Variants in ZDHHC20 observed in about 807,000 individuals in gnomAD.
The protein encoded by ZDHHC20 is palmitoyltransferase ZDHHC20.
In ZDHHC20, 43 loss-of-function variants were observed where a neutral mutation model predicts 57.8. The ratio of observed to expected loss-of-function variants is 0.74; its 90% CI spans 0.58 to 0.96. The LOEUF (loss-of-function observed/expected upper bound fraction) is 0.96. ZDHHC20 is among the 40% of genes least tolerant of loss of function. The probability of loss-of-function intolerance (pLI) is 0.00; values close to 1 mark genes in which losing one functional copy is unlikely to be tolerated. For synonymous variants in ZDHHC20, 157 were observed against 153.0 expected (o/e 1.03, Z -0.19); for missense variants, 391 against 441.1 (o/e 0.89, Z 1.02).
intron 1 of ZDHHC20, among the ~76,000 whole-genome samples, chr13:21,448,454 G>A (rs1215429670): frequency 0.026 from 2,717 of 103,724 alleles, 374 homozygotes; most frequent in Non-Finnish European, 0.043. Context: ...CGCCCCGTCC[G>A]GGAAGGAGGT....
intron 1 of ZDHHC20, among the ~76,000 whole-genome samples, chr13:21,437,880 AT>A (rs1882717817): frequency 6.6e-6 from 1 of 152,046 alleles, no homozygotes; most frequent in Admixed American, 6.6e-5. Context: ...TTTAGTAGAG[AT>A]GGGGTTTCAC....
intron 1 of ZDHHC20, among the ~76,000 whole-genome samples, chr13:21,436,805 G>A (rs1263491815): frequency 6.6e-6 from 1 of 152,172 alleles, no homozygotes; most frequent in African/African-American, 2.4e-5. Flanking sequence ...AGCTTAGTGA[G>A]AAAGACATGT....
intron 1 of ZDHHC20, among the ~76,000 whole-genome samples, chr13:21,437,113 A>C (rs554003377): frequency 9.8e-5 from 15 of 152,356 alleles, no homozygotes; most frequent in African/African-American, 2.6e-4. Flanking sequence ...CTTAAGCCAA[A>C]GCCTAACTCA....
chr13:21,414,348 C>T (rs1879639544), intron 3 of ZDHHC20, among the ~76,000 whole-genome samples: 1 of 150,258 alleles, frequency 6.7e-6, no homozygotes, highest in South Asian at 2.1e-4. Flanking sequence ...GGACAGAGTC[C>T]TTTATAGACC....
intron 7 of ZDHHC20, among the ~76,000 whole-genome samples, chr13:21,394,758 A>G (rs1048728614): frequency 8.5e-5 from 13 of 152,328 alleles, no homozygotes; most frequent in African/African-American, 3.1e-4. Flanking sequence ...TATGGTTAGT[A>G]TGTTGTGAAC....
chr13:21,443,512 C>T (rs989554212), intron 1 of ZDHHC20, among the ~76,000 whole-genome samples: 1 of 152,180 alleles, frequency 6.6e-6, no homozygotes, highest in Non-Finnish European at 1.5e-5. Context: ...TTCTCTATGT[C>T]CTAGCTATGC....
At chr13:21,445,598 T>G (rs1450082675) in intron 1 of ZDHHC20, among the ~76,000 whole-genome samples, 3 of 152,192 alleles carry the variant, frequency 2.0e-5, no homozygotes. Context: ...TAATACCGAT[T>G]ATCAATAATT....
intron 8 of ZDHHC20, 108 bp downstream of exon 8, chr13:21,391,614 C>T: frequency 8.2e-7 from 1 of 1,224,138 alleles, no homozygotes. Context: ...ATTCCAGAGT[C>T]AGAATTGTCT....
intron 1 of ZDHHC20, among the ~76,000 whole-genome samples, chr13:21,448,432 C>A (rs1427431822): frequency 9.5e-6 from 1 of 105,080 alleles, no homozygotes; most frequent in South Asian, 3.2e-4. Flanking sequence ...GTCAGCCCCC[C>A]GCCCGGCCAG....
chr13:21,406,190 A>ACG (rs1368257376), intron 4 of ZDHHC20, among the ~76,000 whole-genome samples: 1 of 152,254 alleles, frequency 6.6e-6, no homozygotes, highest in East Asian at 1.9e-4. Context: ...ACACCTACTT[A>ACG]CAGCATCTAA....
intron 4 of ZDHHC20, among the ~76,000 whole-genome samples, chr13:21,411,226 T>C (rs1879176357): frequency 6.6e-6 from 1 of 152,112 alleles, no homozygotes; most frequent in African/African-American, 2.4e-5. Context: ...ATGAAGAGGG[T>C]ACCTCAGTTG....
chr13:21,394,978 A>T (rs78930068), intron 7 of ZDHHC20, among the ~76,000 whole-genome samples: 3,789 of 152,202 alleles, frequency 0.025, 144 homozygotes, highest in African/African-American at 0.082. Context: ...ATATTCTTTA[A>T]TTATAATTAT....
Position 21,449,988 on chromosome 13 carries a change from T to C in ZDHHC20, c.118+9066A>G, listed in dbSNP as rs149843243. ...CTATTACACTAAGCAGTGATCATGGTGGTTTAAAGGAGTGTAACAGTTGCA... is the reference window on the plus strand; with the variant it reads ...CTATTACACTAAGCAGTGATCATGGCGGTTTAAAGGAGTGTAACAGTTGCA... On this transcript the variant is annotated intron_variant, in intron 1 of 12. Transcript: ENST00000400590. Among the ~76,000 whole-genome samples the C allele has an allele frequency of 2.8e-3, 422 of 152,074 alleles. 2 individuals carry two copies. The highest frequency in any genetic ancestry group is 9.9e-3 in the African/African-American group (410 of 41,496).
chr13:21,390,044 A>G (rs1051308211), intron 8 of ZDHHC20, among the ~76,000 whole-genome samples: 4 of 152,254 alleles, frequency 2.6e-5, no homozygotes, highest in Admixed American at 2.0e-4. Flanking sequence ...CTGGAAGAGA[A>G]GGAACAAATC....
intron 4 of ZDHHC20, among the ~76,000 whole-genome samples, chr13:21,405,018 A>G (rs1324415456): frequency 6.6e-6 from 1 of 152,168 alleles, no homozygotes; most frequent in Non-Finnish European, 1.5e-5. Context: ...TAGTTCTACA[A>G]TACTCTGTTA....
chr13:21,434,332 T>A (rs1486081386), intron 1 of ZDHHC20, among the ~76,000 whole-genome samples: 1 of 138,358 alleles, frequency 7.2e-6, no homozygotes. Context: ...CTCGAGATAA[T>A]GACAATAACA....
At chr13:21,429,001 C>T (rs182547622) in intron 1 of ZDHHC20, among the ~76,000 whole-genome samples, 47 of 152,276 alleles carry the variant, frequency 3.1e-4, no homozygotes, top group African/African-American at 9.1e-4. Flanking sequence ...ATGACACTAA[C>T]CTCATTTAGA....
chr13:21,442,008 A>G (rs1279924690), intron 1 of ZDHHC20, among the ~76,000 whole-genome samples: 2 of 152,292 alleles, frequency 1.3e-5, no homozygotes, highest in African/African-American at 4.8e-5. Flanking sequence ...GAATATTATC[A>G]AGTATTTTGT....
At chr13:21,449,979 T>A (rs6490655) in intron 1 of ZDHHC20, among the ~76,000 whole-genome samples, 149,594 of 152,192 alleles carry the variant, frequency 0.98, 73,569 homozygotes, top group Middle Eastern at 1. Context: ...CACTAAGCAG[T>A]GATCATGGTG....
Sources: gnomAD v4.1 joint callset for allele counts (sites outside exome capture counted in the v4.1 genomes callset) on GRCh38, gnomAD v4.1.1 for gene constraint, MANE v1.5 for transcripts, NCBI Gene and HGNC (gene_info 2026-07-23, HGNC 2026-07-21) for gene names.